The following P2RX4 variants were observed in gnomAD, a reference collection of about 807,000 sequenced individuals.
The protein encoded by P2RX4 is P2X purinoceptor 4.
P2RX4 carries 37 observed loss-of-function variants against 48.0 expected under a neutral mutation model. That is an observed-to-expected ratio of 0.77 (90% confidence interval 0.59 to 1.01). The LOEUF is 1.01. Ranked by LOEUF, P2RX4 falls within the 50% of genes least tolerant of loss-of-function variation. P2RX4 has a pLI of 0.00. For synonymous variants in P2RX4, 200 were observed against 199.7 expected, an observed-to-expected ratio of 1.00 and a Z score of -0.01; for missense variants, 501 against 521.4, an observed-to-expected ratio of 0.96 and a Z score of 0.38.
chr12:121,229,721 G>T lies in P2RX4; in HGVS notation c.884+622G>T, dbSNP rs115880722. Among the ~76,000 whole-genome samples, 169 of 152,282 alleles carry T rather than the reference G, an allele frequency of 1.1e-3. 1 individual carries two copies. Among genetic ancestry groups the T allele is most frequent in the African/African-American group, 3.1e-3 (127 of 41,558 alleles). On this transcript the variant is annotated intron_variant, in intron 8 of 11. Transcript: ENST00000337233. This position sits in a 1 kb window ranked among gnomAD's most constrained non-coding sequence, Gnocchi z 4.6. ...TCCAGGCATCAGCAGGGCTGTGCTC[G>T]CTCTGAAGGCTCTGGAGAGAGTCCT... is the stretch of plus-strand genomic sequence containing the variant.
chr12:121,226,323 C>G (rs75514154), intron 5 of P2RX4, among the ~76,000 whole-genome samples: 6,141 of 151,934 alleles, frequency 0.04, 169 homozygotes, highest in South Asian at 0.12. Flanking sequence ...ACGGGTGGAT[C>G]ACTTGAGGCC....
In P2RX4 at chr12:121,232,222, T is replaced by C; in HGVS notation, c.885-192T>C. On this transcript the variant is annotated intron_variant, in intron 8 of 11. Transcript: ENST00000337233. The surrounding 1 kb of genome is among the most constrained non-coding windows in gnomAD (Gnocchi z 4.3). ...GGAGGAGGAGGTCTCCCTGTGCCCC[T>C]GTACCTCGTGGGCCCCGCATCCTCC... 1 of 603,690 alleles carries C rather than the reference T, an allele frequency of 1.7e-6. No individual in the cohort carries two copies. Among genetic ancestry groups the C allele is most frequent in the Non-Finnish European group, 2.9e-6 (1 of 339,200 alleles). 37.4% of individuals were successfully genotyped at this position (603,690 alleles called of 1,614,324 possible). A position where few individuals can be genotyped will look rare whatever the true frequency, so the allele number is the denominator to read the frequency against.
chr12:121,225,616 T>C (rs1886933042), intron 5 of P2RX4, among the ~76,000 whole-genome samples: 1 of 152,038 alleles, frequency 6.6e-6, no homozygotes, highest in Non-Finnish European at 1.5e-5. Context: ...TTTCACTGTG[T>C]TAGCCAGGAT....
intron 5 of P2RX4, among the ~76,000 whole-genome samples, chr12:121,227,431 C>T (rs935691832): frequency 1.3e-5 from 2 of 152,222 alleles, no homozygotes; most frequent in Non-Finnish European, 2.9e-5. Flanking sequence ...CACCTGCTGG[C>T]GGGTGCTTTG....
chr12:121,221,166 TTGTGTGTGTG>T lies in P2RX4; in HGVS notation c.283-725_283-716del, dbSNP rs71079040. 1.5e-4 allele frequency among the ~76,000 whole-genome samples: 15 copies of T among 100,920 alleles called. No individual in the cohort carries two copies. In the East Asian group the frequency reaches 3.0e-3, roughly 21 times the overall value. 66.2% of individuals were successfully genotyped at this position (100,920 alleles called of 152,430 possible). A position where few individuals can be genotyped will look rare whatever the true frequency, so the allele number is the denominator to read the frequency against. ...TGTGTGTGCGTGTGTCTGTGTGTGT[TTGTGTGTGTG>T]TGTGTGTGTGTGTGTGTGTGTTTTT... On this transcript the variant is annotated intron_variant, in intron 2 of 11. Coordinates refer to ENST00000337233, the MANE Select transcript of P2RX4 (RefSeq NM_002560.3).
In P2RX4 at chr12:121,232,610, G is replaced by T; in HGVS notation, c.979-1G>T. The T allele has an allele frequency of 6.2e-7, 1 of 1,613,918 alleles. No homozygotes were observed. Among genetic ancestry groups the T allele is most frequent in the Middle Eastern group, 1.7e-4 (1 of 6,060 alleles). On this transcript the variant is annotated splice_acceptor_variant, in intron 9 of 11. Coordinates refer to ENST00000337233, the MANE Select transcript of P2RX4 (RefSeq NM_002560.3). LOFTEE classifies it high-confidence loss of function. This position sits in a 1 kb window ranked among gnomAD's most constrained non-coding sequence, Gnocchi z 4.3. ...TTTTTTCTTTTTCGGTGTCTTGGCA[G>T]GCAGGGAAATTTGACATCATCCCCA...
intron 5 of P2RX4, among the ~76,000 whole-genome samples, chr12:121,227,627 T>G (rs1019206966): frequency 6.6e-6 from 1 of 152,092 alleles, no homozygotes; most frequent in African/African-American, 2.4e-5. Context: ...TTTCACCGCC[T>G]TGGGGGAGAG....
At chr12:121,225,726 GA>G (rs1886940049) in intron 5 of P2RX4, among the ~76,000 whole-genome samples, 1 of 151,746 alleles carries the variant, frequency 6.6e-6, no homozygotes, top group Non-Finnish European at 1.5e-5. Flanking sequence ...TATTTATTAT[GA>G]AAAAAAGAAT....
At chr12:121,227,738 C>T (rs558679342) in intron 5 of P2RX4, among the ~76,000 whole-genome samples, 6 of 152,178 alleles carry the variant, frequency 3.9e-5, no homozygotes, top group Non-Finnish European at 7.4e-5. Context: ...AAATGCTAGA[C>T]GTGTTTCATC....
intron 2 of P2RX4, among the ~76,000 whole-genome samples, chr12:121,219,858 A>AGAT (rs774199161): frequency 6.8e-6 from 1 of 147,120 alleles, no homozygotes; most frequent in Non-Finnish European, 1.5e-5. Context: ...ATAGATAGAT[A>AGAT]GATAGACAGA....
At chr12:121,217,813 C>T (rs1886335690) in intron 2 of P2RX4, among the ~76,000 whole-genome samples, 1 of 149,480 alleles carries the variant, frequency 6.7e-6, no homozygotes, top group Non-Finnish European at 1.5e-5. Flanking sequence ...CCATTAGAGA[C>T]CAAAACCCAA....
intron 2 of P2RX4, among the ~76,000 whole-genome samples, chr12:121,218,127 C>G (rs1287930781): frequency 6.6e-6 from 1 of 152,126 alleles, no homozygotes; most frequent in Admixed American, 6.5e-5. Flanking sequence ...TGTTCTTCCC[C>G]CTGCCTTCTC....
intron 1 of P2RX4, among the ~76,000 whole-genome samples, chr12:121,210,871 G>T (rs1885790693): frequency 6.6e-6 from 1 of 152,238 alleles, no homozygotes; most frequent in Non-Finnish European, 1.5e-5. Context: ...GCTTCGCCCT[G>T]AACGTCTCAA....
chr12:121,221,224 G>A (rs908724207), intron 2 of P2RX4, among the ~76,000 whole-genome samples: 3 of 150,432 alleles, frequency 2.0e-5, no homozygotes, highest in South Asian at 2.1e-4. Flanking sequence ...CACCATGTTG[G>A]CCAGGCTAAT....
chr12:121,219,650 TA>T (rs1886464660), intron 2 of P2RX4, among the ~76,000 whole-genome samples: 1 of 113,056 alleles, frequency 8.8e-6, no homozygotes, highest in Non-Finnish European at 1.9e-5. Context: ...GATAGATAGA[TA>T]GATAGATGGA....
intron 8 of P2RX4, among the ~76,000 whole-genome samples, chr12:121,230,782 C>T (rs1298062913): frequency 1.3e-5 from 2 of 152,098 alleles, no homozygotes; most frequent in Non-Finnish European, 2.9e-5. Flanking sequence ...AGCTAGGGTG[C>T]GGGCCGAGGC....
rs1555238307 is a variant in P2RX4 at position 121,230,993 on chromosome 12, T to TTC, written c.885-1420_885-1419insCT. Among the ~76,000 whole-genome samples the TTC allele has an allele frequency of 3.3e-3, 495 of 147,928 alleles. 2 individuals are homozygous for TTC. Among genetic ancestry groups the TTC allele is most frequent in the Non-Finnish European group, 4.2e-3 (282 of 67,180 alleles). Reference sequence around the variant, plus strand: ...CATTATATATATATATTTTTTTTTTTTTCTTCTTTTTTAAGGGAGTGACTT... The same window carrying TTC: ...CATTATATATATATATTTTTTTTTTTTCTTCTTCTTTTTTAAGGGAGTGACTT... On this transcript the variant is annotated intron_variant, in intron 8 of 11. Transcript: ENST00000337233.
At position 121,228,571 on chromosome 12, in the gene P2RX4, T is replaced by C. The variant is rs756141531; in HGVS notation, c.563T>C (p.Leu188Ser). ...AAGGCTGCAGAAAACTTCACTCTTT[T>C]GGTTAAGAACAACATCTGGTATCCC... ...FLKAAENFTL[L>S]VKNNIWYPKF... Residue 188 changes from leucine to serine, a missense_variant, in exon 6 of 12, where the codon TTG becomes TCG. By Grantham distance (145) the Leu-to-Ser change is moderately radical. Transcript: ENST00000337233. 14 of 1,613,618 alleles carry C rather than the reference T, an allele frequency of 8.7e-6. No individual in the cohort carries two copies. The highest frequency in any genetic ancestry group is 1.2e-5 in the Non-Finnish European group (14 of 1,179,968).
intron 8 of P2RX4, among the ~76,000 whole-genome samples, chr12:121,230,679 C>T (rs1300162836): frequency 3.9e-5 from 6 of 152,210 alleles, no homozygotes; most frequent in Admixed American, 2.0e-4. Flanking sequence ...GAACTCAGGA[C>T]GCCTATCCCC....
Sources: gnomAD v4.1 joint callset for allele counts (sites outside exome capture counted in the v4.1 genomes callset) on GRCh38, gnomAD v4.1.1 for gene constraint, Gnocchi (gnomAD v3.1) non-coding constraint, MANE v1.5 for transcripts, NCBI Gene and HGNC (gene_info 2026-07-23, HGNC 2026-07-21) for gene names.